Variants in ABHD18 observed in about 807,000 individuals in gnomAD.
ABHD18 encodes the protein cardiolipin-specific deacylase, mitochondrial.
ABHD18 carries 55 observed loss-of-function variants against 65.9 expected under a neutral mutation model. That is an observed-to-expected ratio of 0.84 (90% confidence interval 0.67 to 1.05). The LOEUF (loss-of-function observed/expected upper bound fraction) is 1.05, where lower values mean the gene tolerates loss of function less well. Among genes scored for constraint, ABHD18 ranks in the 50% least tolerant of loss-of-function variants. The pLI, the probability that ABHD18 is intolerant of heterozygous loss-of-function variation, is 0.00. For missense variants in ABHD18, 533 were observed against 558.5 expected, an observed-to-expected ratio of 0.95 and a Z score of 0.46; for synonymous variants, 181 against 180.2, an observed-to-expected ratio of 1.00 and a Z score of -0.04.
chr4:128,013,629 C>T (rs1001255844), intron 7 of ABHD18, among the ~76,000 whole-genome samples: 5 of 151,308 alleles, frequency 3.3e-5, no homozygotes, highest in South Asian at 2.1e-4. Flanking sequence ...ACCCAGGAGG[C>T]GGAGCTTACA....
intron 1 of ABHD18, among the ~76,000 whole-genome samples, chr4:127,982,463 A>C (rs1749227621): frequency 1.3e-5 from 2 of 152,116 alleles, no homozygotes; most frequent in South Asian, 4.1e-4. Flanking sequence ...AATCTTAGCT[A>C]TGTTTCCCAC....
intron 4 of ABHD18, among the ~76,000 whole-genome samples, chr4:127,990,268 A>G (rs1750690856): frequency 6.6e-6 from 1 of 152,196 alleles, no homozygotes; most frequent in Admixed American, 6.5e-5. Flanking sequence ...TGGCTTTTAA[A>G]TTTTTAGTTT....
At chr4:127,976,150 C>A (rs1388668512) in intron 1 of ABHD18, among the ~76,000 whole-genome samples, 7 of 152,090 alleles carry the variant, frequency 4.6e-5, no homozygotes, top group East Asian at 3.8e-4. Flanking sequence ...ATAGTTGTAT[C>A]TTTACATTTA....
chr4:128,021,647 C>CT (rs758793366), intron 10 of ABHD18, among the ~76,000 whole-genome samples: 2 of 152,106 alleles, frequency 1.3e-5, no homozygotes, highest in African/African-American at 2.4e-5. Flanking sequence ...GAGTGAGACT[C>CT]TGTCTTAAAA....
intron 2 of ABHD18, 37 bp from the exon 3 acceptor site, chr4:127,984,302 A>T: frequency 1.5e-6 from 2 of 1,311,540 alleles, no homozygotes; most frequent in Non-Finnish European, 2.1e-6. Flanking sequence ...GATATAAAAG[A>T]TTAATTTTTT....
chr4:128,020,627 TA>T (rs1378996866), intron 9 of ABHD18, among the ~76,000 whole-genome samples: 1 of 152,158 alleles, frequency 6.6e-6, no homozygotes. Context: ...GCAGTTTAGG[TA>T]CAGTGACCCA....
chr4:127,970,657 C>T (rs1434726162), intron 1 of ABHD18, among the ~76,000 whole-genome samples: 2 of 151,154 alleles, frequency 1.3e-5, no homozygotes, highest in African/African-American at 4.9e-5. Flanking sequence ...GCAGTGAAGT[C>T]CTATCTGGGT....
intron 4 of ABHD18, among the ~76,000 whole-genome samples, chr4:127,991,398 A>AT (rs1203851647): frequency 3.9e-5 from 6 of 151,976 alleles, no homozygotes; most frequent in East Asian, 3.9e-4. Context: ...TAATTTTTGT[A>AT]TTTTTAGTAG....
intron 7 of ABHD18, 115 bp downstream of exon 7, chr4:128,011,815 G>C (rs1560896049): frequency 2.1e-6 from 1 of 470,898 alleles, no homozygotes; most frequent in South Asian, 3.8e-5. Context: ...TATTATGGGG[G>C]GGGGGAGTTC....
intron 12 of ABHD18, among the ~76,000 whole-genome samples, chr4:128,033,692 C>T (rs914115650): frequency 5.3e-5 from 8 of 151,812 alleles, no homozygotes; most frequent in East Asian, 3.9e-4. Flanking sequence ...CCCGCCACCA[C>T]GCCCGGCTAA....
chr4:128,014,180 T>A (rs913029861), intron 7 of ABHD18, among the ~76,000 whole-genome samples: 2 of 151,894 alleles, frequency 1.3e-5, no homozygotes, highest in East Asian at 3.9e-4. Flanking sequence ...ACAGGGTTTC[T>A]CCATGTTGGT....
At chr4:128,007,738 C>CAAA (rs1753843885) in intron 4 of ABHD18, among the ~76,000 whole-genome samples, 1 of 140,898 alleles carries the variant, frequency 7.1e-6, no homozygotes, top group African/African-American at 2.8e-5. Flanking sequence ...GACCCTGTCT[C>CAAA]CAAAAAAAAA....
intron 1 of ABHD18, among the ~76,000 whole-genome samples, chr4:127,974,522 C>T (rs1405713658): frequency 6.6e-6 from 1 of 151,782 alleles, no homozygotes; most frequent in Non-Finnish European, 1.5e-5. Flanking sequence ...CAGCCATGCA[C>T]CACCACATCT....
intron 1 of ABHD18, among the ~76,000 whole-genome samples, chr4:127,974,578 G>T (rs1215273312): frequency 6.6e-6 from 1 of 151,792 alleles, no homozygotes; most frequent in Non-Finnish European, 1.5e-5. Context: ...TCACCATGTT[G>T]CCCAGGCTGG....
chr4:127,977,821 GAA>G (rs1296824547), intron 1 of ABHD18, among the ~76,000 whole-genome samples: 1 of 151,886 alleles, frequency 6.6e-6, no homozygotes, highest in Non-Finnish European at 1.5e-5. Context: ...AAAACACAAA[GAA>G]AAGGAATCTT....
chr4:128,009,482 ACAAT>A (rs1754172606), intron 6 of ABHD18: 2 of 208,566 alleles, frequency 9.6e-6, no homozygotes, highest in Admixed American at 6.0e-5. Flanking sequence ...TATTAAGGAA[ACAAT>A]CATGTTTTAA....
chr4:127,970,597 A>G (rs962458574), intron 1 of ABHD18, among the ~76,000 whole-genome samples: 193 of 151,224 alleles, frequency 1.3e-3, no homozygotes, highest in Non-Finnish European at 2.4e-3. Flanking sequence ...CTCAAAAAAA[A>G]AAAAAAAAAA....
chr4:128,026,427 C>G (rs375260714), intron 10 of ABHD18, among the ~76,000 whole-genome samples: 1 of 151,650 alleles, frequency 6.6e-6, no homozygotes, highest in East Asian at 1.9e-4. Flanking sequence ...CCATTGCACT[C>G]CAGCCTGGGT....
intron 4 of ABHD18, among the ~76,000 whole-genome samples, chr4:127,996,293 T>C (rs910533886): frequency 6.6e-5 from 10 of 152,120 alleles, no homozygotes; most frequent in African/African-American, 2.4e-4. Flanking sequence ...CTATTTTCCC[T>C]AAGTGTCAGC....
Sources: gnomAD v4.1 joint callset for allele counts (sites outside exome capture counted in the v4.1 genomes callset) on GRCh38, gnomAD v4.1.1 for gene constraint, MANE v1.5 for transcripts, NCBI Gene and HGNC (gene_info 2026-07-23, HGNC 2026-07-21) for gene names.